Variants in MFHAS1 observed in about 807,000 individuals in gnomAD.
MFHAS1 encodes the protein multifunctional ROCO family signaling regulator 1, also known as malignant fibrous histiocytoma-amplified sequence 1.
In MFHAS1, 50 loss-of-function variants were observed where a neutral mutation model predicts 70.4. That is an observed-to-expected ratio of 0.71 (90% CI 0.57 to 0.90). The LOEUF (loss-of-function observed/expected upper bound fraction) is 0.90. Among genes scored for constraint, MFHAS1 ranks in the 40% least tolerant of loss-of-function variants. The pLI is 0.00. For missense variants in MFHAS1, 1,795 were observed against 1,347.6 expected, an observed-to-expected ratio of 1.33 and a Z score of -5.20; for synonymous variants, 952 against 620.0, an observed-to-expected ratio of 1.54 and a Z score of -7.96.
chr8:8,795,683 T>C (rs1805867618), intron 2 of MFHAS1, among the ~76,000 whole-genome samples: 1 of 152,184 alleles, frequency 6.6e-6, no homozygotes, highest in African/African-American at 2.4e-5. Flanking sequence ...TGAGTAAGAA[T>C]GCCACTGGGA....
intron 1 of MFHAS1, among the ~76,000 whole-genome samples, chr8:8,880,190 C>T (rs746398816): frequency 2.1e-4 from 32 of 152,218 alleles, no homozygotes; most frequent in Non-Finnish European, 3.4e-4. Flanking sequence ...AGGCCTAGCC[C>T]CAAAACCCCT....
intron 1 of MFHAS1, among the ~76,000 whole-genome samples, chr8:8,803,850 T>C (rs143803511): frequency 1.7e-4 from 26 of 152,162 alleles, no homozygotes; most frequent in African/African-American, 5.3e-4. Flanking sequence ...CACATGCCTG[T>C]AATCTCAGCT....
At chr8:8,885,702 G>C (rs1480388405) in intron 1 of MFHAS1, among the ~76,000 whole-genome samples, 1 of 152,224 alleles carries the variant, frequency 6.6e-6, no homozygotes, top group East Asian at 1.9e-4. Context: ...GGTACCTGCA[G>C]GAAGCAGGTA....
At chr8:8,855,358 A>G (rs1178548090) in intron 1 of MFHAS1, among the ~76,000 whole-genome samples, 2 of 152,246 alleles carry the variant, frequency 1.3e-5, no homozygotes, top group African/African-American at 4.8e-5. Context: ...GTCTGGTGAA[A>G]GAGCCAGACC....
chr8:8,862,890 C>T (rs941948263), intron 1 of MFHAS1, among the ~76,000 whole-genome samples: 2 of 152,204 alleles, frequency 1.3e-5, no homozygotes, highest in Admixed American at 1.3e-4. Flanking sequence ...TTCTCTAAAA[C>T]ATAGTCTATT....
intron 1 of MFHAS1, among the ~76,000 whole-genome samples, chr8:8,809,834 T>G (rs1432749363): frequency 6.6e-6 from 1 of 152,196 alleles, no homozygotes; most frequent in Non-Finnish European, 1.5e-5. Context: ...GGTTACTCTT[T>G]ATTTTGATAG....
intron 1 of MFHAS1, among the ~76,000 whole-genome samples, chr8:8,842,367 G>T (rs190035071): frequency 2.6e-5 from 4 of 152,104 alleles, no homozygotes; most frequent in Non-Finnish European, 4.4e-5. Flanking sequence ...TGTATTTTTA[G>T]TAGAGACAGG....
At chr8:8,867,305 A>C (rs1808895857) in intron 1 of MFHAS1, among the ~76,000 whole-genome samples, 1 of 152,184 alleles carries the variant, frequency 6.6e-6, no homozygotes, top group South Asian at 2.1e-4. Context: ...AAAGTTAAAA[A>C]TATACCCTCA....
intron 2 of MFHAS1, among the ~76,000 whole-genome samples, chr8:8,792,343 G>A (rs1015608563): frequency 1.3e-5 from 2 of 152,250 alleles, no homozygotes; most frequent in South Asian, 2.1e-4. Flanking sequence ...GCTCACGCCT[G>A]TAATCCTAGC....
At chr8:8,807,625 C>A (rs1375135734) in intron 1 of MFHAS1, among the ~76,000 whole-genome samples, 2 of 152,160 alleles carry the variant, frequency 1.3e-5, no homozygotes, top group Non-Finnish European at 2.9e-5. Flanking sequence ...GTACCCCCTA[C>A]AATGAAAAGA....
At chr8:8,827,906 C>T (rs555148864) in intron 1 of MFHAS1, among the ~76,000 whole-genome samples, 244 of 151,282 alleles carry the variant, frequency 1.6e-3, no homozygotes, top group African/African-American at 5.6e-3. Flanking sequence ...AATTTAATTT[C>T]TTTTTTTTTA....
rs369917100 is a variant in MFHAS1, at chr8:8,787,135, C to T, written c.3126-1080G>A. Among the ~76,000 whole-genome samples, 29 of 150,750 alleles carry T rather than the reference C, an allele frequency of 1.9e-4. 1 individual carries two copies. In the East Asian group the frequency reaches 3.5e-3, roughly 18 times the overall value. On this transcript the variant is annotated intron_variant, in intron 2 of 2. Transcript: ENST00000276282. The stretch of plus-strand genomic sequence containing the variant: ...TCGCTCTGTTGCCCAGGCTGGAGTG[C>T]AGTGGCGCAATCTCGGCTCACTGCA...
chr8:8,811,933 C>T (rs918739223), intron 1 of MFHAS1, among the ~76,000 whole-genome samples: 1 of 152,170 alleles, frequency 6.6e-6, no homozygotes, highest in African/African-American at 2.4e-5. Flanking sequence ...TAGGAAGCTT[C>T]CAGACTTCCC....
intron 1 of MFHAS1, among the ~76,000 whole-genome samples, chr8:8,841,644 CA>C (rs1787039974): frequency 1.3e-5 from 2 of 151,978 alleles, no homozygotes; most frequent in South Asian, 2.1e-4. Flanking sequence ...ATGGTAAGGC[CA>C]AAAGGAAGTT....
rs966727912 is a variant in MFHAS1 at position 8,892,069 on chromosome 8, G to T, written c.990C>A (p.Arg330=). The change falls in exon 1 of 3, where the codon CGC becomes CGA. Residue 330 remains arginine, a synonymous_variant. Coordinates refer to ENST00000276282, the MANE Select transcript of MFHAS1 (RefSeq NM_004225.3). The surrounding 1 kb of genome is among the most constrained non-coding windows in gnomAD (Gnocchi z 4.7). ...RLLTLWLDNN[R]IRYLPDSIVE... ...CGATGGAGTCCGGCAGGTAGCGGAT[G>T]CGGTTATTATCCAGCCACAAGGTGA... 7 of 1,613,366 alleles carry T rather than the reference G, an allele frequency of 4.3e-6. No individual in the cohort carries two copies. Among genetic ancestry groups the T allele is most frequent in the Non-Finnish European group, 5.9e-6 (7 of 1,180,022 alleles).
Position 8,785,125 on chromosome 8 carries a change from ATTATCT to A in MFHAS1, c.*891_*896del, listed in dbSNP as rs1805491991. ...TTGTAAGATTCAGAACTGACTCCTG[ATTATCT>A]TAAGCCATTAAAAGACTCAAGTTTT... On this transcript the variant is annotated 3_prime_UTR_variant, in exon 3 of 3. Coordinates refer to ENST00000276282, the MANE Select transcript of MFHAS1 (RefSeq NM_004225.3). 6.6e-6 allele frequency: 1 copy of A among 152,190 alleles called. No individual in the cohort carries two copies. Among genetic ancestry groups the A allele is most frequent in the African/African-American group, 2.4e-5 (1 of 41,444 alleles). 9.4% of individuals were successfully genotyped at this position (152,190 alleles called of 1,614,324 possible). A position where few individuals can be genotyped will look rare whatever the true frequency, so the allele number is the denominator to read the frequency against.
intron 1 of MFHAS1, among the ~76,000 whole-genome samples, chr8:8,861,446 T>A (rs147297042): frequency 2.3e-4 from 35 of 152,308 alleles, no homozygotes; most frequent in African/African-American, 8.4e-4. Context: ...AACAACAATG[T>A]TCCACTTACC....
At chr8:8,861,248 G>A (rs1025341812) in intron 1 of MFHAS1, among the ~76,000 whole-genome samples, 4 of 152,176 alleles carry the variant, frequency 2.6e-5, no homozygotes, top group African/African-American at 7.2e-5. Flanking sequence ...CTTCACAATC[G>A]AGATGTGACC....
chr8:8,848,845 G>A (rs773326224), intron 1 of MFHAS1, among the ~76,000 whole-genome samples: 4 of 152,082 alleles, frequency 2.6e-5, no homozygotes, highest in Non-Finnish European at 4.4e-5. Flanking sequence ...GTGCGAAGTC[G>A]GTTTCCGTTC....
Sources: allele counts gnomAD v4.1 joint callset (sites outside exome capture counted in the v4.1 genomes callset), GRCh38; gene constraint gnomAD v4.1.1; non-coding constraint Gnocchi (gnomAD v3.1); transcripts MANE v1.5; gene names NCBI Gene and HGNC (gene_info 2026-07-23, HGNC 2026-07-21).